SPG21: variants seen among roughly 807,000 people sequenced by gnomAD.
SPG21 encodes the protein maspardin.
In SPG21, 26 loss-of-function variants were observed where a neutral mutation model predicts 38.9. The observed-to-expected ratio is 0.67, with a 90% CI of 0.49 to 0.93. The LOEUF (loss-of-function observed/expected upper bound fraction) is 0.93, where lower values mean the gene tolerates loss of function less well. Among genes scored for constraint, SPG21 ranks in the 40% least tolerant of loss-of-function variants. SPG21 has a pLI of 0.00. For missense variants in SPG21, 333 were observed against 376.5 expected, an observed-to-expected ratio of 0.88 and a Z score of 0.96; for synonymous variants, 136 against 128.9, an observed-to-expected ratio of 1.05 and a Z score of -0.37.
intron 5 of SPG21, 123 bp downstream of exon 5, chr15:64,974,479 A>C: frequency 8.2e-7 from 1 of 1,215,758 alleles, no homozygotes; most frequent in South Asian, 1.4e-5. Flanking sequence ...TGTCTCAAAA[A>C]AAAAGCCAAG....
Position 64,963,546 on chromosome 15 carries a change from G to A in SPG21, c.*74C>T, listed in dbSNP as rs547532357. The A allele has an allele frequency of 1.5e-4, 192 of 1,286,520 alleles. 2 individuals are homozygous for A. The South Asian group carries it at 2.1e-3, about 14-fold the overall frequency. The allele number at this position is 1,286,520 out of a possible 1,614,324, so 79.7% of individuals were successfully genotyped here. A position where few individuals can be genotyped will look rare whatever the true frequency, so the allele number is the denominator to read the frequency against. ...CCTGACGAACCTGAAGGAAAAGGCTGGCTGACGGGTGCTGATGCCACTGAC... is the reference window on the plus strand; with the variant it reads ...CCTGACGAACCTGAAGGAAAAGGCTAGCTGACGGGTGCTGATGCCACTGAC... On this transcript the variant is annotated 3_prime_UTR_variant, in exon 9 of 9. Transcript: ENST00000204566.
At chr15:64,981,522 C>G (rs2085886916) in intron 2 of SPG21, 1 of 159,120 alleles carries the variant, frequency 6.3e-6, no homozygotes, top group African/African-American at 2.4e-5. Context: ...AACTCCTGAG[C>G]TCATGATCCA....
chr15:64,969,554 A>G (rs1018845904), intron 6 of SPG21, among the ~76,000 whole-genome samples, 192 bp from the exon 7 acceptor site: 4 of 152,184 alleles, frequency 2.6e-5, no homozygotes, highest in African/African-American at 9.7e-5. Flanking sequence ...GCATTTTTCT[A>G]TTCTGGAAAC....
rs761952381 is a variant in SPG21, at chr15:64,976,532, G to A, written c.249C>T (p.Asp83=). Residue 83 remains aspartate (D), a synonymous_variant, in exon 4 of 9, where the codon GAC becomes GAT. Coordinates refer to ENST00000204566, the MANE Select transcript of SPG21 (RefSeq NM_016630.7). Reference sequence around the variant, plus strand: ...TGAATCCATCACAGAACTCGAGATGGTCCCAATAAACTGGATACTGCAACT... The same window carrying A: ...TGAATCCATCACAGAACTCGAGATGATCCCAATAAACTGGATACTGCAACT... ...VIALQYPVYW[D]HLEFCDGFRK... 9.3e-6 allele frequency: 15 copies of A among 1,612,814 alleles called. No homozygotes were observed. The East Asian group carries it at 3.3e-4, about 36-fold the overall frequency.
intron 1 of SPG21, among the ~76,000 whole-genome samples, chr15:64,986,584 G>A (rs991935485): frequency 6.6e-6 from 1 of 150,854 alleles, no homozygotes; most frequent in Non-Finnish European, 1.5e-5. Context: ...AAATACTCGG[G>A]AGGCGAGGCA....
intron 6 of SPG21, 150 bp from the exon 7 acceptor site, chr15:64,969,512 A>G: frequency 1.5e-6 from 1 of 668,004 alleles, no homozygotes; most frequent in Non-Finnish European, 2.7e-6. Context: ...CTTAGGTGAG[A>G]GACCATGAAC....
chr15:64,986,327 C>T (rs1256610644), intron 1 of SPG21, among the ~76,000 whole-genome samples: 1 of 152,018 alleles, frequency 6.6e-6, no homozygotes, highest in African/African-American at 2.4e-5. Flanking sequence ...GATTGTGCCA[C>T]TGCACTCCAG....
chr15:64,971,409 G>T (rs1211563437), intron 5 of SPG21, among the ~76,000 whole-genome samples: 1 of 151,944 alleles, frequency 6.6e-6, no homozygotes, highest in African/African-American at 2.4e-5. Context: ...CTTGGTGGCG[G>T]GCGCCTGTAG....
At chr15:64,976,113 C>T (rs1347645207) in intron 4 of SPG21, among the ~76,000 whole-genome samples, 1 of 152,096 alleles carries the variant, frequency 6.6e-6, no homozygotes, top group Admixed American at 6.5e-5. Context: ...AATTATGTTG[C>T]AATAAAGCTA....
At chr15:64,982,407 A>T (rs970009417) in intron 2 of SPG21, among the ~76,000 whole-genome samples, 1 of 152,020 alleles carries the variant, frequency 6.6e-6, no homozygotes, top group African/African-American at 2.4e-5. Flanking sequence ...CGGCCTTCCA[A>T]AGTGCTGGGA....
rs187327773 is a variant in SPG21, at chr15:64,964,226, G to A, written c.811-490C>T. On this transcript the variant is annotated intron_variant, in intron 8 of 8. Coordinates refer to ENST00000204566, the MANE Select transcript of SPG21 (RefSeq NM_016630.7). Reference sequence around the variant, plus strand: ...CAAACAATTTTTTGAAACCACATTTGGGATCTTTGTTCCTCACTCCCTGAG... The same window carrying A: ...CAAACAATTTTTTGAAACCACATTTAGGATCTTTGTTCCTCACTCCCTGAG... 4.3e-3 allele frequency among the ~76,000 whole-genome samples: 656 copies of A among 152,230 alleles called. 5 individuals are homozygous for A. Among genetic ancestry groups the A allele is most frequent in the African/African-American group, 0.015 (622 of 41,530 alleles).
chr15:64,968,200 C>A (rs749735991), intron 7 of SPG21, among the ~76,000 whole-genome samples: 1 of 151,738 alleles, frequency 6.6e-6, no homozygotes, highest in Non-Finnish European at 1.5e-5. Flanking sequence ...ATTAGCCGAA[C>A]GTAGTGGTGT....
chr15:64,987,476 C>CAT, intron 1 of SPG21: 1 of 152,338 alleles, frequency 6.6e-6, no homozygotes, highest in Non-Finnish European at 1.5e-5. Context: ...TTTTCCAAAT[C>CAT]ATAAGAGGAA....
chr15:64,983,321 CTA>C, intron 2 of SPG21, 184 bp downstream of exon 2: 2 of 477,184 alleles, frequency 4.2e-6, no homozygotes, highest in South Asian at 3.4e-5. Context: ...TGCTTTCACT[CTA>C]AAATGAGTCT....
Position 64,969,238 on chromosome 15 carries a change from C to T in SPG21, c.669+17G>A. On this transcript the variant is annotated intron_variant, in intron 7 of 8. Transcript: ENST00000204566. ...TTTAAAAAGTAAAGCAGCTATTTTA[C>T]TTAAAAGGAAGCTTACATCCATAAT... 1 of 1,523,168 alleles carries T rather than the reference C, an allele frequency of 6.6e-7. No homozygotes were observed. The highest frequency in any genetic ancestry group is 9.1e-7 in the Non-Finnish European group (1 of 1,097,390). 94.4% of individuals were successfully genotyped at this position (1,523,168 alleles called of 1,614,324 possible). A position where few individuals can be genotyped will look rare whatever the true frequency, so the allele number is the denominator to read the frequency against.
At chr15:64,965,829 G>C (rs2140407156) in intron 7 of SPG21, among the ~76,000 whole-genome samples, 1 of 151,678 alleles carries the variant, frequency 6.6e-6, no homozygotes, top group East Asian at 1.9e-4. Context: ...AGCCTCCTAA[G>C]TACCTGGGAC....
At chr15:64,965,770 C>T (rs112158987) in intron 7 of SPG21, among the ~76,000 whole-genome samples, 70 of 147,188 alleles carry the variant, frequency 4.8e-4, no homozygotes, top group African/African-American at 1.6e-3. Context: ...GGTGTGATCT[C>T]GGCTCACTGC....
intron 2 of SPG21, chr15:64,983,113 C>T (rs1222353418): frequency 3.6e-6 from 1 of 277,700 alleles, no homozygotes; most frequent in South Asian, 2.8e-5. Flanking sequence ...CAAAAATTAG[C>T]TGAGTGTGGT....
At chr15:64,975,641 C>T (rs753402418) in intron 4 of SPG21, among the ~76,000 whole-genome samples, 1 of 151,956 alleles carries the variant, frequency 6.6e-6, no homozygotes, top group Non-Finnish European at 1.5e-5. Flanking sequence ...AAACATATGT[C>T]AACACAAAAA....
Sources: gnomAD v4.1 joint callset for allele counts (sites outside exome capture counted in the v4.1 genomes callset) on GRCh38, gnomAD v4.1.1 for gene constraint, MANE v1.5 for transcripts, NCBI Gene and HGNC (gene_info 2026-07-23, HGNC 2026-07-21) for gene names.